Variants in SMYD3 observed in about 807,000 individuals in gnomAD.
SMYD3 encodes the protein SET and MYND domain containing 3, also known as histone-lysine N-methyltransferase SMYD3.
A neutral mutation model predicts 57.7 loss-of-function variants in SMYD3; 36 were observed. The ratio of observed to expected loss-of-function variants is 0.62; its 90% confidence interval spans 0.48 to 0.82. SMYD3 has a LOEUF of 0.82. Ranked by LOEUF, SMYD3 falls within the 40% of genes least tolerant of loss-of-function variation. The pLI, the probability that SMYD3 is intolerant of heterozygous loss-of-function variation, is 0.00. For missense variants in SMYD3, 515 were observed against 538.8 expected (o/e 0.96, Z 0.44); for synonymous variants, 211 against 195.0 (o/e 1.08, Z -0.68).
chr1:246,030,881 C>T (rs909763005), intron 5 of SMYD3, among the ~76,000 whole-genome samples: 13 of 152,096 alleles, frequency 8.5e-5, no homozygotes, highest in Admixed American at 1.3e-4. Context: ...AACAATGTTA[C>T]GTAAATCCCA....
At chr1:246,219,205 G>A (rs2063213681) in intron 5 of SMYD3, among the ~76,000 whole-genome samples, 1 of 151,994 alleles carries the variant, frequency 6.6e-6, no homozygotes, top group Admixed American at 6.6e-5. Flanking sequence ...CTTGAATGCT[G>A]CCTTTTCCAA....
intron 1 of SMYD3, among the ~76,000 whole-genome samples, chr1:246,492,660 C>T (rs924296725): frequency 5.3e-5 from 8 of 152,184 alleles, no homozygotes; most frequent in Admixed American, 6.5e-5. Flanking sequence ...TCTGCATTAG[C>T]AAAATCTTCA....
intron 10 of SMYD3, among the ~76,000 whole-genome samples, chr1:245,845,080 T>C (rs1182348713): frequency 6.6e-6 from 1 of 152,192 alleles, no homozygotes; most frequent in Non-Finnish European, 1.5e-5. Flanking sequence ...TTGGTTCAGC[T>C]CTCCAAAAGA....
chr1:245,757,642 T>C (rs1192010272), intron 11 of SMYD3, among the ~76,000 whole-genome samples: 2 of 152,296 alleles, frequency 1.3e-5, no homozygotes, highest in East Asian at 3.9e-4. Flanking sequence ...CTTTTGCATG[T>C]GGATATGCAG....
chr1:246,452,137 G>T (rs2067641861), intron 1 of SMYD3, among the ~76,000 whole-genome samples: 1 of 152,110 alleles, frequency 6.6e-6, no homozygotes, highest in South Asian at 2.1e-4. Flanking sequence ...AAAAAGGAAG[G>T]AAACTGTCAA....
At chr1:245,847,805 T>C (rs1018178439) in intron 10 of SMYD3, among the ~76,000 whole-genome samples, 1 of 152,172 alleles carries the variant, frequency 6.6e-6, no homozygotes, top group South Asian at 2.1e-4. Flanking sequence ...TGATGGCTTG[T>C]TCAAGTTAAA....
chr1:246,280,485 A>ATTTT (rs2064420125), intron 5 of SMYD3, among the ~76,000 whole-genome samples: 1 of 152,126 alleles, frequency 6.6e-6, no homozygotes, highest in Non-Finnish European at 1.5e-5. Flanking sequence ...CTACTTAAAA[A>ATTTT]TCTTAGAGAA....
At chr1:245,804,058 G>T (rs977929780) in intron 10 of SMYD3, among the ~76,000 whole-genome samples, 2 of 151,606 alleles carry the variant, frequency 1.3e-5, no homozygotes, top group African/African-American at 4.9e-5. Flanking sequence ...GACCACAGGC[G>T]CCCACCACCA....
At chr1:246,300,959 C>T (rs1148710) in intron 5 of SMYD3, among the ~76,000 whole-genome samples, 2,156 of 152,224 alleles carry the variant, frequency 0.014, 30 homozygotes, top group African/African-American at 0.033. Context: ...AACACCCAGC[C>T]TGTCAGTGAA....
At chr1:246,386,892 T>TA (rs10714128) in intron 1 of SMYD3, among the ~76,000 whole-genome samples, 1 of 147,672 alleles carries the variant, frequency 6.8e-6, no homozygotes, top group African/African-American at 2.5e-5. Context: ...CTTTCTGATA[T>TA]AAAAAAAAAA....
intron 5 of SMYD3, among the ~76,000 whole-genome samples, chr1:245,974,060 C>T (rs953148136): frequency 9.9e-5 from 15 of 152,116 alleles, no homozygotes; most frequent in African/African-American, 3.4e-4. Flanking sequence ...TGCCCTTCCT[C>T]CAGACCCTGA....
intron 5 of SMYD3, among the ~76,000 whole-genome samples, chr1:246,201,010 A>G (rs561592875): frequency 1.3e-5 from 2 of 152,324 alleles, no homozygotes; most frequent in South Asian, 4.1e-4. Flanking sequence ...TCTTGCCCCC[A>G]TATTAACAAG....
At chr1:245,764,012 A>G (rs1373436920) in intron 11 of SMYD3, 29 bp downstream of exon 11, 1 of 1,545,238 alleles carries the variant, frequency 6.5e-7, no homozygotes, top group Non-Finnish European at 8.9e-7. Flanking sequence ...GATGCCAGGC[A>G]GAACTATGTG....
intron 5 of SMYD3, among the ~76,000 whole-genome samples, chr1:245,984,805 A>C (rs577188833): frequency 6.6e-6 from 1 of 152,344 alleles, no homozygotes; most frequent in East Asian, 1.9e-4. Flanking sequence ...AAACATAAAC[A>C]AAAGTCTCCC....
intron 1 of SMYD3, among the ~76,000 whole-genome samples, chr1:246,459,584 C>T (rs1411963383): frequency 1.3e-5 from 2 of 152,192 alleles, no homozygotes; most frequent in Non-Finnish European, 2.9e-5. Flanking sequence ...TTCCAGTTTC[C>T]TGAGACCTCC....
At chr1:246,019,939 G>T (rs558461379) in intron 5 of SMYD3, among the ~76,000 whole-genome samples, 1 of 152,184 alleles carries the variant, frequency 6.6e-6, no homozygotes, top group Non-Finnish European at 1.5e-5. Flanking sequence ...AGATATATTA[G>T]AAAGAAAGGA....
chr1:245,922,981 C>A (rs2056089807), intron 7 of SMYD3, among the ~76,000 whole-genome samples: 1 of 152,136 alleles, frequency 6.6e-6, no homozygotes. Context: ...TAGGCTTCAT[C>A]TATTGCTTCC....
At chr1:246,246,737 G>A (rs1203281839) in intron 5 of SMYD3, among the ~76,000 whole-genome samples, 2 of 151,524 alleles carry the variant, frequency 1.3e-5, no homozygotes, top group Non-Finnish European at 2.9e-5. Context: ...TTACCTATGT[G>A]GAAACTGAGC....
intron 1 of SMYD3, among the ~76,000 whole-genome samples, chr1:246,414,152 C>T (rs2067020382): frequency 6.6e-6 from 1 of 152,118 alleles, no homozygotes; most frequent in South Asian, 2.1e-4. Context: ...ACCCCTAGAG[C>T]AGTCAGAGAG....
Sources: allele counts gnomAD v4.1 joint callset (sites outside exome capture counted in the v4.1 genomes callset), GRCh38; gene constraint gnomAD v4.1.1; transcripts MANE v1.5; gene names NCBI Gene and HGNC (gene_info 2026-07-23, HGNC 2026-07-21).